The following RSU1 variants were observed in gnomAD, a reference collection of about 807,000 sequenced individuals.
The protein encoded by RSU1 is rsu-1.
RSU1 carries 26 observed loss-of-function variants against 31.1 expected under a neutral mutation model. The observed-to-expected ratio is 0.84, with a 90% CI of 0.61 to 1.16. RSU1 has a LOEUF of 1.16. Ranked by LOEUF, RSU1 falls within the 50% of genes most tolerant of loss-of-function variation. The pLI is 0.00. For synonymous variants in RSU1, 164 were observed against 136.3 expected (o/e 1.20, Z -1.41); for missense variants, 320 against 339.1 (o/e 0.94, Z 0.44).
At chr10:16,674,902 A>G (rs951221575) in intron 8 of RSU1, among the ~76,000 whole-genome samples, 3 of 152,060 alleles carry the variant, frequency 2.0e-5, no homozygotes, top group Non-Finnish European at 2.9e-5. Flanking sequence ...GCGTGGTGGC[A>G]CACGCCTGTA....
At chr10:16,663,709 A>G (rs1251630351) in intron 8 of RSU1, among the ~76,000 whole-genome samples, 1 of 152,126 alleles carries the variant, frequency 6.6e-6, no homozygotes, top group African/African-American at 2.4e-5. Flanking sequence ...TGATCACCAA[A>G]ATACAGAAGG....
chr10:16,632,993 C>G (rs1471441569), intron 8 of RSU1, among the ~76,000 whole-genome samples: 3 of 152,156 alleles, frequency 2.0e-5, no homozygotes, highest in Admixed American at 6.5e-5. Flanking sequence ...GATGGTCCTA[C>G]TGGTTGGCTA....
chr10:16,705,633 C>A (rs905648703), intron 7 of RSU1, among the ~76,000 whole-genome samples: 21 of 152,046 alleles, frequency 1.4e-4, no homozygotes, highest in Admixed American at 1.2e-3. Context: ...AGACTACAGG[C>A]GAGTGCCACC....
intron 8 of RSU1, among the ~76,000 whole-genome samples, chr10:16,664,975 ACT>A (rs1834961562): frequency 6.6e-6 from 1 of 151,502 alleles, no homozygotes; most frequent in South Asian, 2.1e-4. Context: ...ACAGATTCTC[ACT>A]CTGTCGCCCA....
chr10:16,803,555 A>G (rs1160620097), intron 2 of RSU1, among the ~76,000 whole-genome samples: 5 of 152,204 alleles, frequency 3.3e-5, no homozygotes, highest in Admixed American at 2.0e-4. Context: ...ATACAGTTGG[A>G]GCACTGACAC....
At chr10:16,610,492 A>T (rs1384744700) in intron 8 of RSU1, among the ~76,000 whole-genome samples, 1 of 152,202 alleles carries the variant, frequency 6.6e-6, no homozygotes, top group Non-Finnish European at 1.5e-5. Flanking sequence ...GTGGCAGGCG[A>T]GGAAGCAAAG....
intron 8 of RSU1, among the ~76,000 whole-genome samples, chr10:16,633,065 A>T (rs1337679422): frequency 6.6e-6 from 1 of 152,166 alleles, no homozygotes; most frequent in Admixed American, 6.5e-5. Flanking sequence ...GGGTCAAATC[A>T]TTCTTTGTTT....
At chr10:16,596,920 G>A (rs1305808599) in intron 8 of RSU1, among the ~76,000 whole-genome samples, 4 of 152,016 alleles carry the variant, frequency 2.6e-5, no homozygotes, top group African/African-American at 4.8e-5. Context: ...AGGGGGTTTC[G>A]CCACGTTGGA....
intron 7 of RSU1, among the ~76,000 whole-genome samples, chr10:16,726,666 G>T (rs1442404365): frequency 6.6e-6 from 1 of 152,028 alleles, no homozygotes; most frequent in South Asian, 2.1e-4. Context: ...TGTTTCAGTT[G>T]GTTGAAAACA....
At position 16,752,545 on chromosome 10, in the gene RSU1, C is replaced by G. The variant is rs200140782; in HGVS notation, c.592G>C (p.Glu198Gln). 3.1e-6 allele frequency: 5 copies of G among 1,612,982 alleles called. No individual in the cohort carries two copies. The highest frequency in any genetic ancestry group is 4.2e-6 in the Non-Finnish European group (5 of 1,179,106). Residue 198 changes from glutamate (E) to glutamine (Q), a missense_variant, in exon 7 of 9, where the codon GAA becomes CAA. Physicochemically the swap from Glu to Gln is conservative, Grantham distance 29 (BLOSUM62 2). Transcript: ENST00000345264. ...QGNRLTVLPP[E>Q]LGNLDLTGQK... ...CATTCATCAGCAACCTTACCTAGTT[C>G]TGGGGGCAGAACGGTGAGGCGGTTC... is the stretch of plus-strand genomic sequence containing the variant.
chr10:16,608,068 C>T (rs957656217), intron 8 of RSU1, among the ~76,000 whole-genome samples: 1 of 152,062 alleles, frequency 6.6e-6, no homozygotes, highest in African/African-American at 2.4e-5. Context: ...TGGACTCAAG[C>T]CATCCACCCG....
chr10:16,711,954 T>G (rs1836029932), intron 7 of RSU1, among the ~76,000 whole-genome samples: 1 of 152,222 alleles, frequency 6.6e-6, no homozygotes, highest in African/African-American at 2.4e-5. Flanking sequence ...CTTTTATAAT[T>G]GTATTGCAGT....
At chr10:16,735,036 A>G (rs1482752856) in intron 7 of RSU1, among the ~76,000 whole-genome samples, 1 of 152,184 alleles carries the variant, frequency 6.6e-6, no homozygotes, top group Non-Finnish European at 1.5e-5. Context: ...GAAGAAACCA[A>G]TTCTGTTATT....
chr10:16,746,426 TG>T (rs2131614809), intron 7 of RSU1, among the ~76,000 whole-genome samples: 1 of 152,208 alleles, frequency 6.6e-6, no homozygotes, highest in South Asian at 2.1e-4. Flanking sequence ...CAAAATTATC[TG>T]GGTAACAAAT....
intron 3 of RSU1, among the ~76,000 whole-genome samples, chr10:16,767,936 T>A (rs932864927): frequency 1.3e-5 from 2 of 152,204 alleles, no homozygotes; most frequent in Non-Finnish European, 2.9e-5. Flanking sequence ...TATACATACG[T>A]GGCGGGAACA....
intron 4 of RSU1, among the ~76,000 whole-genome samples, chr10:16,757,430 T>C (rs1891475): frequency 0.15 from 23,304 of 152,006 alleles, 2,304 homozygotes; most frequent in African/African-American, 0.28. Flanking sequence ...GGGTTCCCCC[T>C]GTCAGGCAGA....
intron 8 of RSU1, among the ~76,000 whole-genome samples, chr10:16,660,193 T>C (rs1834862061): frequency 6.6e-6 from 1 of 152,186 alleles, no homozygotes; most frequent in Non-Finnish European, 1.5e-5. Flanking sequence ...TTACAGACCA[T>C]TTTAAAAGGC....
intron 8 of RSU1, among the ~76,000 whole-genome samples, chr10:16,632,950 TA>T (rs1240271217): frequency 6.6e-6 from 1 of 151,002 alleles, no homozygotes; most frequent in Non-Finnish European, 1.5e-5. Flanking sequence ...CAACAAAATT[TA>T]AAAAAAAACC....
intron 2 of RSU1, among the ~76,000 whole-genome samples, chr10:16,816,392 C>A (rs1838532267): frequency 1.3e-5 from 2 of 152,084 alleles, no homozygotes; most frequent in Non-Finnish European, 2.9e-5. Flanking sequence ...ACAGGGGTTA[C>A]AGGAAAATGA....
Sources: allele counts gnomAD v4.1 joint callset (sites outside exome capture counted in the v4.1 genomes callset), GRCh38; gene constraint gnomAD v4.1.1; transcripts MANE v1.5; gene names NCBI Gene and HGNC (gene_info 2026-07-23, HGNC 2026-07-21).